Variants in IQGAP2 observed in about 807,000 individuals in gnomAD.
IQGAP2 encodes the protein ras GTPase-activating-like protein IQGAP2.
A neutral mutation model predicts 201.3 loss-of-function variants in IQGAP2; 173 were observed. That is an observed-to-expected ratio of 0.86 (90% CI 0.76 to 0.98). The LOEUF (loss-of-function observed/expected upper bound fraction) is 0.98. Among genes scored for constraint, IQGAP2 ranks in the 50% least tolerant of loss-of-function variants. The probability of loss-of-function intolerance (pLI) is 0.00; values close to 1 mark genes in which losing one functional copy is unlikely to be tolerated. For missense variants in IQGAP2, 1,687 were observed against 1,864.8 expected, an observed-to-expected ratio of 0.90 and a Z score of 1.76; for synonymous variants, 675 against 673.9, an observed-to-expected ratio of 1.00 and a Z score of -0.03.
intron 2 of IQGAP2, among the ~76,000 whole-genome samples, chr5:76,546,664 C>T (rs1219620864): frequency 6.6e-6 from 1 of 152,140 alleles, no homozygotes; most frequent in Non-Finnish European, 1.5e-5. Flanking sequence ...ATCAGCAGCC[C>T]TTCTGCTCTC....
At chr5:76,661,109 T>A (rs1424762750) in intron 21 of IQGAP2, among the ~76,000 whole-genome samples, 2 of 152,180 alleles carry the variant, frequency 1.3e-5, no homozygotes, top group African/African-American at 4.8e-5. Context: ...TCCCCACACC[T>A]TTTTATTTTT....
At chr5:76,510,141 A>C (rs1757872214) in intron 2 of IQGAP2, among the ~76,000 whole-genome samples, 1 of 152,072 alleles carries the variant, frequency 6.6e-6, no homozygotes, top group Non-Finnish European at 1.5e-5. Flanking sequence ...CTGGGATTAC[A>C]GGCACCCGCC....
At chr5:76,531,102 G>A (rs1375966663) in intron 2 of IQGAP2, among the ~76,000 whole-genome samples, 1 of 152,104 alleles carries the variant, frequency 6.6e-6, no homozygotes, top group African/African-American at 2.4e-5. Context: ...AGTTCTGGAG[G>A]CTGGGAGTTT....
At chr5:76,592,532 G>C (rs1250757552) in intron 8 of IQGAP2, among the ~76,000 whole-genome samples, 3 of 151,922 alleles carry the variant, frequency 2.0e-5, no homozygotes, top group Non-Finnish European at 4.4e-5. Context: ...CAAATCAAAT[G>C]AAATTGGCAC....
intron 2 of IQGAP2, among the ~76,000 whole-genome samples, chr5:76,550,289 C>A (rs1346360453): frequency 6.6e-6 from 1 of 151,376 alleles, no homozygotes; most frequent in Non-Finnish European, 1.5e-5. Flanking sequence ...ATTTTAAGGC[C>A]TGAAAATAAT....
At position 76,407,025 on chromosome 5, in the gene IQGAP2, C is replaced by T. The variant is rs140000954; in HGVS notation, c.46+3434C>T. 7.2e-4 allele frequency among the ~76,000 whole-genome samples: 110 copies of T among 152,240 alleles called. 1 individual carries two copies. In the South Asian group the frequency reaches 0.017, roughly 24 times the overall value. On this transcript the variant is annotated intron_variant, in intron 1 of 35. Transcript: ENST00000274364. ...GCAGTATCTTGCTCTCTCACCCAGG[C>T]TGGAGTGCAGTGGTGCAATCATGGC... is the stretch of plus-strand genomic sequence containing the variant.
chr5:76,521,950 TAAAA>T (rs146699677), intron 2 of IQGAP2, among the ~76,000 whole-genome samples: 2 of 148,784 alleles, frequency 1.3e-5, no homozygotes, highest in African/African-American at 5.0e-5. Context: ...AATTGATAAT[TAAAA>T]AAAAAAATGC....
At chr5:76,565,298 C>T (rs1487864439) in intron 3 of IQGAP2, among the ~76,000 whole-genome samples, 3 of 152,172 alleles carry the variant, frequency 2.0e-5, no homozygotes, top group Non-Finnish European at 2.9e-5. Context: ...CTCGGGCTCT[C>T]GCTGCAGGGT....
chr5:76,522,075 C>G (rs76850818), intron 2 of IQGAP2, among the ~76,000 whole-genome samples: 2 of 152,138 alleles, frequency 1.3e-5, no homozygotes, highest in African/African-American at 4.8e-5. Flanking sequence ...AGAAACTTCT[C>G]CACTAAGGAG....
At position 76,674,645 on chromosome 5, in the gene IQGAP2, G is replaced by A. The variant is rs1216300258; in HGVS notation, c.3463G>A (p.Glu1155Lys). ...LQHAASNKLF[E>K]GENEHLSSMN... Reference sequence around the variant, plus strand: ...GCACGCAGCCTCCAACAAGCTGTTTGAAGGAGAAAATGAGCATCTCTCATC... The same window carrying A: ...GCACGCAGCCTCCAACAAGCTGTTTAAAGGAGAAAATGAGCATCTCTCATC... The change falls in exon 27 of 36, where the codon GAA becomes AAA. Residue 1155 changes from glutamate (E) to lysine (K), a missense_variant. Glu to Lys is a moderately conservative substitution (Grantham distance 56). Transcript: ENST00000274364. The A allele has an allele frequency of 1.9e-6, 3 of 1,614,038 alleles. No individual in the cohort carries two copies. The highest frequency in any genetic ancestry group is 1.7e-5 in the Admixed American group (1 of 59,998).
chr5:76,698,135 A>G lies in IQGAP2; in HGVS notation c.4355A>G (p.Asn1452Ser), dbSNP rs1194624539. 1.9e-6 allele frequency: 3 copies of G among 1,583,050 alleles called. No homozygotes were observed. In the African/African-American group the frequency reaches 4.1e-5, roughly 21 times the overall value. ...YDTYIKTCLDNLKRKNTRRSI... is the reference protein window; with the variant it reads ...YDTYIKTCLDSLKRKNTRRSI... ...ACCTACATAAAGACTTGTTTAGACA[A>G]CTTAAAAAGAAAGTAAGTTAAAATC... The change falls in exon 33 of 36, where the codon AAC becomes AGC. Residue 1452 changes from asparagine (N) to serine (S), a missense_variant. Transcript: ENST00000274364.
At chr5:76,644,037 T>C (rs917993037) in intron 17 of IQGAP2, among the ~76,000 whole-genome samples, 1 of 151,968 alleles carries the variant, frequency 6.6e-6, no homozygotes, top group Admixed American at 6.6e-5. Flanking sequence ...TTTGAATATC[T>C]CTATACTGAG....
intron 2 of IQGAP2, among the ~76,000 whole-genome samples, chr5:76,463,178 T>G (rs146318241): frequency 1.4e-5 from 2 of 147,686 alleles, no homozygotes; most frequent in African/African-American, 5.0e-5. Context: ...AGAAAAAATA[T>G]ACTTTCAGTG....
In IQGAP2 at chr5:76,489,547, C is replaced by T. The variant is rs1396975096; in HGVS notation, c.146+27878C>T. On this transcript the variant is annotated intron_variant, in intron 2 of 35. Coordinates refer to ENST00000274364, the MANE Select transcript of IQGAP2 (RefSeq NM_006633.5). ...CACAATCTCGGCTCATTGCAACCTCCGCCTCCCAGGTTCAAGCAATTCTTG... is the reference window on the plus strand; with the variant it reads ...CACAATCTCGGCTCATTGCAACCTCTGCCTCCCAGGTTCAAGCAATTCTTG... 1.3e-4 allele frequency among the ~76,000 whole-genome samples: 20 copies of T among 152,212 alleles called. 1 individual carries two copies. Among genetic ancestry groups the T allele is most frequent in the Admixed American group, 1.3e-3 (20 of 15,282 alleles).
intron 13 of IQGAP2, among the ~76,000 whole-genome samples, chr5:76,612,368 C>T (rs560549524): frequency 6.6e-6 from 1 of 152,166 alleles, no homozygotes; most frequent in African/African-American, 2.4e-5. Flanking sequence ...TGGTGGCTCA[C>T]ACCTATAATC....
At chr5:76,664,939 A>G in intron 21 of IQGAP2, 87 bp from the exon 22 acceptor site, 1 of 758,828 alleles carries the variant, frequency 1.3e-6, no homozygotes, top group Non-Finnish European at 2.2e-6. Context: ...TGTATTTCCA[A>G]TTACGTGTGT....
In IQGAP2 at chr5:76,500,568, T is replaced by C. The variant is rs531975565; in HGVS notation, c.146+38899T>C. Among the ~76,000 whole-genome samples, 241 of 152,322 alleles carry C rather than the reference T, an allele frequency of 1.6e-3. 10 individuals are homozygous for C. In the South Asian group the frequency reaches 0.047, roughly 30 times the overall value. On this transcript the variant is annotated intron_variant, in intron 2 of 35. Transcript: ENST00000274364. ...GAACATATATGTATGAATTAAGGAATACTAAATATACGGGTACCACTTTCC... is the reference window on the plus strand; with the variant it reads ...GAACATATATGTATGAATTAAGGAACACTAAATATACGGGTACCACTTTCC...
At chr5:76,415,215 A>G (rs1427965722) in intron 1 of IQGAP2, among the ~76,000 whole-genome samples, 1 of 152,242 alleles carries the variant, frequency 6.6e-6, no homozygotes, top group Non-Finnish European at 1.5e-5. Flanking sequence ...ATGTTTTGAG[A>G]ATAATGTGGA....
intron 14 of IQGAP2, among the ~76,000 whole-genome samples, chr5:76,631,580 A>C (rs554361018): frequency 2.3e-4 from 35 of 152,290 alleles, no homozygotes; most frequent in African/African-American, 7.5e-4. Flanking sequence ...CATTTCATAG[A>C]TTACTACAGC....
Sources: gnomAD v4.1 joint callset for allele counts (sites outside exome capture counted in the v4.1 genomes callset) on GRCh38, gnomAD v4.1.1 for gene constraint, MANE v1.5 for transcripts, NCBI Gene and HGNC (gene_info 2026-07-23, HGNC 2026-07-21) for gene names.